INPP4A: variants seen among roughly 807,000 people sequenced by gnomAD.
INPP4A encodes the protein inositol polyphosphate-4-phosphatase type I A.
INPP4A carries 33 observed loss-of-function variants against 119.8 expected under a neutral mutation model. The ratio of observed to expected loss-of-function variants is 0.28; its 90% CI spans 0.21 to 0.37. INPP4A has a LOEUF of 0.37. Ranked by LOEUF, INPP4A falls within the 10% of genes least tolerant of loss-of-function variation. The pLI is 1.00. For missense variants in INPP4A, 956 were observed against 1,289.9 expected, an observed-to-expected ratio of 0.74 and a Z score of 3.97; for synonymous variants, 496 against 500.7, an observed-to-expected ratio of 0.99 and a Z score of 0.12.
chr2:98,540,247 T>C (rs1691165098), intron 10 of INPP4A, among the ~76,000 whole-genome samples: 1 of 152,190 alleles, frequency 6.6e-6, no homozygotes. Context: ...TCTCTTCTTT[T>C]CTTTCCCCTC....
At chr2:98,582,700 A>C (rs552517799) in intron 24 of INPP4A, among the ~76,000 whole-genome samples, 2 of 151,794 alleles carry the variant, frequency 1.3e-5, no homozygotes, top group South Asian at 2.1e-4. Context: ...AGACACAGAA[A>C]GATCACCTAC....
intron 1 of INPP4A, among the ~76,000 whole-genome samples, chr2:98,482,115 A>G (rs1678591668): frequency 6.6e-6 from 1 of 152,248 alleles, no homozygotes; most frequent in South Asian, 2.1e-4. Context: ...CTTTAAAATA[A>G]ATATAATTTT....
intron 1 of INPP4A, among the ~76,000 whole-genome samples, chr2:98,511,512 G>A (rs1449095622): frequency 6.6e-6 from 1 of 152,194 alleles, no homozygotes; most frequent in Non-Finnish European, 1.5e-5. Context: ...TGGGAGGTGG[G>A]AGAGGGCTGG....
intron 13 of INPP4A, among the ~76,000 whole-genome samples, chr2:98,550,537 G>T (rs1247293526): frequency 3.3e-5 from 5 of 152,200 alleles, no homozygotes; most frequent in Non-Finnish European, 2.9e-5. Flanking sequence ...CGGGTCTGGG[G>T]TGGGGGCCTA....
intron 1 of INPP4A, among the ~76,000 whole-genome samples, chr2:98,462,707 T>G (rs1031175208): frequency 2.6e-5 from 4 of 151,860 alleles, no homozygotes; most frequent in Non-Finnish European, 5.9e-5. Flanking sequence ...TAATTTTTTT[T>G]TGTGGGTTTG....
At chr2:98,581,478 T>G (rs1336161573) in intron 24 of INPP4A, 10 of 1,224,438 alleles carry the variant, frequency 8.2e-6, no homozygotes, top group Non-Finnish European at 7.8e-6. Context: ...TATCCCATCC[T>G]TTTTGATAAA....
chr2:98,448,683 T>C (rs992854050), intron 1 of INPP4A, among the ~76,000 whole-genome samples: 2 of 151,572 alleles, frequency 1.3e-5, no homozygotes, highest in Non-Finnish European at 2.9e-5. Flanking sequence ...GAAGCAGTTG[T>C]AGTCTTCTTT....
chr2:98,540,051 C>T (rs1691122363), intron 10 of INPP4A, among the ~76,000 whole-genome samples: 1 of 152,138 alleles, frequency 6.6e-6, no homozygotes, highest in African/African-American at 2.4e-5. Context: ...CCTGCCTCAG[C>T]CTCTGAAGTA....
At chr2:98,534,854 C>A (rs1172051926) in intron 5 of INPP4A, among the ~76,000 whole-genome samples, 2 of 152,170 alleles carry the variant, frequency 1.3e-5, no homozygotes, top group Admixed American at 1.3e-4. Flanking sequence ...GTGGACCTTG[C>A]AAGGGGAGTT....
chr2:98,503,827 T>C (rs1402950474), intron 1 of INPP4A, among the ~76,000 whole-genome samples: 2 of 152,220 alleles, frequency 1.3e-5, no homozygotes, highest in African/African-American at 4.8e-5. Flanking sequence ...CCCTGGTCCC[T>C]TCCCTATTAG....
At chr2:98,526,134 G>GT (rs1237070578) in intron 4 of INPP4A, among the ~76,000 whole-genome samples, 2 of 152,162 alleles carry the variant, frequency 1.3e-5, no homozygotes, top group African/African-American at 4.8e-5. Context: ...ATCAATACAT[G>GT]TAACAACACA....
Position 98,570,795 on chromosome 2 carries a change from C to T in INPP4A, c.2519-2020C>T, listed in dbSNP as rs1199951017. Among the ~76,000 whole-genome samples the T allele has an allele frequency of 1.3e-5, 2 of 152,134 alleles. No homozygotes were observed. The highest frequency in any genetic ancestry group is 2.4e-5 in the African/African-American group (1 of 41,420). ...GAAATATGCTCAGGTTGGGCAGCCT[C>T]AGTCTCCCCAGTAAAACAGGTGTTC... On this transcript the variant is annotated intron_variant, in intron 22 of 24. Transcript: ENST00000409851. The surrounding 1 kb of genome is among the most constrained non-coding windows in gnomAD (Gnocchi z 4.3).
chr2:98,576,186 T>C (rs10201079), intron 23 of INPP4A, among the ~76,000 whole-genome samples: 120,257 of 152,152 alleles, frequency 0.79, 48,425 homozygotes, highest in African/African-American at 0.93. Flanking sequence ...CAGATTTACA[T>C]GAAAAAATTA....
intron 4 of INPP4A, among the ~76,000 whole-genome samples, chr2:98,523,374 T>G (rs1687586148): frequency 6.6e-6 from 1 of 151,940 alleles, no homozygotes; most frequent in South Asian, 2.1e-4. Context: ...CAGTTTTTTT[T>G]GTTTTGTTTT....
intron 1 of INPP4A, among the ~76,000 whole-genome samples, chr2:98,464,738 A>G (rs948515765): frequency 6.6e-6 from 1 of 152,202 alleles, no homozygotes. Context: ...GCTCCATGAG[A>G]TATCAGCAGA....
chr2:98,534,953 G>T (rs1358039409), intron 5 of INPP4A, among the ~76,000 whole-genome samples: 1 of 152,188 alleles, frequency 6.6e-6, no homozygotes, highest in African/African-American at 2.4e-5. Context: ...GGAGTCAGAG[G>T]TGGCCTTAGC....
intron 4 of INPP4A, among the ~76,000 whole-genome samples, chr2:98,532,385 C>CT (rs112454111): frequency 0.28 from 41,803 of 151,956 alleles, 5,796 homozygotes; most frequent in Middle Eastern, 0.35. Flanking sequence ...GGAGTTAATA[C>CT]TTTTTTCTAT....
intron 13 of INPP4A, among the ~76,000 whole-genome samples, chr2:98,552,455 T>A (rs376696973): frequency 1.3e-5 from 2 of 152,216 alleles, no homozygotes; most frequent in African/African-American, 4.8e-5. Flanking sequence ...TAGATGAGGT[T>A]GTGAGGTGGA....
In INPP4A at chr2:98,594,291, G is replaced by A. The variant is rs1700513226; in HGVS notation, c.*6683G>A. The A allele has an allele frequency of 6.6e-6, 1 of 152,192 alleles. No individual in the cohort carries two copies. The highest frequency in any genetic ancestry group is 2.4e-5 in the African/African-American group (1 of 41,434). 9.4% of individuals were successfully genotyped at this position (152,192 alleles called of 1,614,324 possible). On this transcript the variant is annotated 3_prime_UTR_variant, in exon 25 of 25. Transcript: ENST00000409851. Reference sequence around the variant, plus strand: ...AGGCAATGTTATCTTGATCTGGATGGCCAGTTACATGACAGATTACTTTGT... The same window carrying A: ...AGGCAATGTTATCTTGATCTGGATGACCAGTTACATGACAGATTACTTTGT...
Sources: allele counts gnomAD v4.1 joint callset (sites outside exome capture counted in the v4.1 genomes callset), GRCh38; gene constraint gnomAD v4.1.1; non-coding constraint Gnocchi (gnomAD v3.1); transcripts MANE v1.5; gene names NCBI Gene and HGNC (gene_info 2026-07-23, HGNC 2026-07-21).